Variants in HGFAC observed in about 807,000 individuals in gnomAD.
HGFAC encodes HGF activator, also known as hepatocyte growth factor activator serine protease.
Under a neutral mutation model 70.6 loss-of-function variants are expected in HGFAC, and 76 were observed. The observed-to-expected ratio is 1.08, with a 90% confidence interval of 0.89 to 1.30. The LOEUF (loss-of-function observed/expected upper bound fraction) is 1.30. Ranked by LOEUF, HGFAC falls within the 50% of genes most tolerant of loss-of-function variation. HGFAC has a pLI of 0.00. For synonymous variants in HGFAC, 464 were observed against 405.3 expected (o/e 1.14, Z -1.74); for missense variants, 1,044 against 933.7 (o/e 1.12, Z -1.54).
At chr4:3,442,266 C>A (rs28720738) in intron 1 of HGFAC, 148 bp downstream of exon 1, 1 of 611,156 alleles carries the variant, frequency 1.6e-6, no homozygotes, top group Non-Finnish European at 2.7e-6. Flanking sequence ...AAAGCTGGCC[C>A]TCACAGGGCA....
chr4:3,448,129 C>A lies in HGFAC; in HGVS notation c.1638C>A (p.Asn546Lys), dbSNP rs139994251. Residue 546 changes from asparagine to lysine, a missense_variant and splice_region_variant, in exon 13 of 14, where the codon AAC becomes AAA. Coordinates refer to ENST00000382774, the MANE Select transcript of HGFAC (RefSeq NM_001528.4). ...CGCTGAGGGCATTGTGTCCCACAGA[C>A]GTGAGCGGCTACTCCAGCTCCCTGC... ...QIAGWGHLDE[N>K]VSGYSSSLRE... The A allele has an allele frequency of 6.3e-7, 1 of 1,589,424 alleles. No individual in the cohort carries two copies. The highest frequency in any genetic ancestry group is 1.3e-5 in the African/African-American group (1 of 74,536).
intron 8 of HGFAC, 81 bp from the exon 9 acceptor site, chr4:3,445,184 C>T: frequency 7.4e-7 from 1 of 1,349,036 alleles, no homozygotes; most frequent in Non-Finnish European, 1.0e-6. Context: ...AACCGCCCTG[C>T]TGGGGGTTCC....
Position 3,443,323 on chromosome 4 carries a change from G to A in HGFAC, c.396-18G>A, listed in dbSNP as rs917553979. The A allele has an allele frequency of 2.2e-5, 34 of 1,539,340 alleles. No individual in the cohort carries two copies. Among genetic ancestry groups the A allele is most frequent in the East Asian group, 4.9e-5 (2 of 40,490 alleles). On this transcript the variant is annotated intron_variant, in intron 3 of 13. Transcript: ENST00000382774. The stretch of plus-strand genomic sequence containing the variant: ...GCCTCTGCCTGGGACCCCCATGCAC[G>A]CAGGTGTCGCCCCCCAGGTGTGCCA...
Position 3,443,069 on chromosome 4 carries a change from G to A in HGFAC, c.318G>A (p.Arg106=). 1 of 1,599,270 alleles carries A rather than the reference G, an allele frequency of 6.3e-7. No individual in the cohort carries two copies. Among genetic ancestry groups the A allele is most frequent in the Non-Finnish European group, 8.5e-7 (1 of 1,178,586 alleles). ...PQAQALTEDG[R]PCRFPFRYGG... is the part of the protein sequence containing the mutation. Reference sequence around the variant, plus strand: ...CCACAGCACTCACCGAGGACGGGAGGCCCTGCAGGTTCCCCTTCCGCTACG... The same window carrying A: ...CCACAGCACTCACCGAGGACGGGAGACCCTGCAGGTTCCCCTTCCGCTACG... The change falls in exon 3 of 14, where the codon AGG becomes AGA. Residue 106 remains arginine, a synonymous_variant. Transcript: ENST00000382774.
rs1277279036 is a variant in HGFAC at position 3,445,273 on chromosome 4, A to G, written c.1025A>G (p.Asp342Gly). The part of the protein sequence containing the change: ...LGPHAYCRNP[D>G]NDERPWCYVV... ...CCACTTATGCACCGCAGGAATCCGG[A>G]CAATGACGAGAGGCCCTGGTGCTAC... Residue 342 changes from aspartate (D) to glycine (G), a missense_variant, in exon 9 of 14, where the codon GAC becomes GGC. Asp to Gly is a moderately conservative substitution (Grantham distance 94). Transcript: ENST00000382774. The G allele has an allele frequency of 2.5e-6, 4 of 1,578,950 alleles. No individual in the cohort carries two copies. The highest frequency in any genetic ancestry group is 1.4e-5 in the African/African-American group (1 of 73,950).
rs1725591330 is a variant in HGFAC, at chr4:3,448,165, G to C, written c.1674G>C (p.Leu558=). Residue 558 remains leucine, a synonymous_variant, in exon 13 of 14, where the codon CTG becomes CTC. Coordinates refer to ENST00000382774, the MANE Select transcript of HGFAC (RefSeq NM_001528.4). ...SGYSSSLREA[L]VPLVADHKCS... ...ACTCCAGCTCCCTGCGGGAGGCCCT[G>C]GTCCCCCTGGTCGCCGACCACAAGT... 6.3e-7 allele frequency: 1 copy of C among 1,599,692 alleles called. No individual in the cohort carries two copies. The highest frequency in any genetic ancestry group is 1.1e-5 in the South Asian group (1 of 89,088).
Position 3,443,327 on chromosome 4 carries a change from G to A in HGFAC, c.396-14G>A. ...CTGCCTGGGACCCCCATGCACGCAG[G>A]TGTCGCCCCCCAGGTGTGCCACAAC... On this transcript the variant is annotated splice_polypyrimidine_tract_variant and intron_variant, in intron 3 of 13. Coordinates refer to ENST00000382774, the MANE Select transcript of HGFAC (RefSeq NM_001528.4). 1 of 1,541,370 alleles carries A rather than the reference G, an allele frequency of 6.5e-7. No homozygotes were observed. The highest frequency in any genetic ancestry group is 1.2e-5 in the South Asian group (1 of 82,940).
upstream of HGFAC, chr4:3,441,930 G>A (rs1560190613): frequency 5.9e-6 from 5 of 850,874 alleles, no homozygotes; most frequent in South Asian, 2.1e-5. The surrounding 1 kb of genome is among the most constrained non-coding windows in gnomAD (Gnocchi z 6.0). Flanking sequence ...TCATTTCCAC[G>A]AAGCCTTGAC....
chr4:3,447,040 A>T (rs1321103534), intron 10 of HGFAC, among the ~76,000 whole-genome samples: 1 of 152,048 alleles, frequency 6.6e-6, no homozygotes, highest in African/African-American at 2.4e-5. Context: ...GGGTGGAGCG[A>T]CCTCCACACA....
At chr4:3,441,271 A>G (rs1486141476), upstream of HGFAC, among the ~76,000 whole-genome samples, 1 of 151,988 alleles carries the variant, frequency 6.6e-6, no homozygotes, top group Non-Finnish European at 1.5e-5. The surrounding 1 kb of genome is among the most constrained non-coding windows in gnomAD (Gnocchi z 6.0). Flanking sequence ...GGCTTCTTGG[A>G]GTGGACTCCT....
intron 2 of HGFAC, 66 bp downstream of exon 2, chr4:3,442,978 C>T: frequency 6.5e-7 from 1 of 1,547,566 alleles, no homozygotes; most frequent in Non-Finnish European, 8.8e-7. Flanking sequence ...AGGAGCATGG[C>T]TGCGGCTGGA....
chr4:3,442,736 G>A lies in HGFAC; in HGVS notation c.122G>A (p.Arg41His), dbSNP rs764401397. The A allele has an allele frequency of 1.2e-5, 18 of 1,498,182 alleles. 1 individual carries two copies. The highest frequency in any genetic ancestry group is 8.3e-5 in the South Asian group (6 of 72,456). The allele number at this position is 1,498,182 out of a possible 1,614,324, so 92.8% of individuals were successfully genotyped here. Residue 41 changes from arginine to histidine, a missense_variant, in exon 2 of 14, where the codon CGT becomes CAT. Transcript: ENST00000382774. The stretch of plus-strand genomic sequence containing the variant: ...CACCCTTTCTGCTCCTCCTAGAACC[G>A]TACGGAGTCCCCAGAACCTAATGCC... ...RGFQPQPGGNRTESPEPNATA... is the reference protein window; with the variant it reads ...RGFQPQPGGNHTESPEPNATA...
In HGFAC at chr4:3,443,115, T is replaced by C. The variant is rs1446717337; in HGVS notation, c.364T>C (p.Cys122Arg). ...FRYGGRMLHA[C>R]TSEGSAHRKW... ...CTACGGGGGCCGCATGCTGCATGCC[T>C]GCACTTCGGAGGGCAGTGCACACAG... Residue 122 changes from cysteine to arginine, a missense_variant, in exon 3 of 14, where the codon TGC becomes CGC. Cys to Arg is a radical substitution (Grantham distance 180). Coordinates refer to ENST00000382774, the MANE Select transcript of HGFAC (RefSeq NM_001528.4). 1.3e-6 allele frequency: 2 copies of C among 1,586,946 alleles called. No homozygotes were observed. The highest frequency in any genetic ancestry group is 1.7e-5 in the Admixed American group (1 of 57,638).
At chr4:3,448,381 A>G (rs1192180427) in intron 13 of HGFAC, 105 bp downstream of exon 13, 2 of 1,384,082 alleles carry the variant, frequency 1.4e-6, no homozygotes, top group Non-Finnish European at 1.9e-6. Flanking sequence ...GCGGCACCCC[A>G]ACCTGGCAGG....
Position 3,442,862 on chromosome 4 carries a change from T to C in HGFAC, c.248T>C (p.Leu83Pro), listed in dbSNP as rs1725360937. 5 of 1,573,666 alleles carry C rather than the reference T, an allele frequency of 3.2e-6. No individual in the cohort carries two copies. The highest frequency in any genetic ancestry group is 4.3e-6 in the Non-Finnish European group (5 of 1,164,108). The change falls in exon 2 of 14, where the codon CTC (leucine) becomes CCC (proline). Residue 83 changes from leucine to proline, a missense_variant. Coordinates refer to ENST00000382774, the MANE Select transcript of HGFAC (RefSeq NM_001528.4). Reference protein sequence around the residue: ...PEAEGPQSGGLPPPPRAVPSS... With the variant: ...PEAEGPQSGGPPPPPRAVPSS... Reference sequence around the variant, plus strand: ...GCAGAGGGACCCCAAAGTGGGGGGCTCCCGCCCCCGCCCAGGGCAGTTCCC... The same window carrying C: ...GCAGAGGGACCCCAAAGTGGGGGGCCCCCGCCCCCGCCCAGGGCAGTTCCC...
rs562907434 is a variant in HGFAC, at chr4:3,446,181, G to C, written c.1242G>C (p.Ser414=). The change falls in exon 10 of 14, where the codon TCG becomes TCC. Residue 414 remains serine, a synonymous_variant. Coordinates refer to ENST00000382774, the MANE Select transcript of HGFAC (RefSeq NM_001528.4). Reference sequence around the variant, plus strand: ...CACGTATCATCGGCGGCTCCTCCTCGCTGCCCGGCTCGCACCCCTGGCTGG... The same window carrying C: ...CACGTATCATCGGCGGCTCCTCCTCCCTGCCCGGCTCGCACCCCTGGCTGG... ...LRPRIIGGSS[S]LPGSHPWLAA... 6 of 1,610,872 alleles carry C rather than the reference G, an allele frequency of 3.7e-6. No homozygotes were observed.
At chr4:3,445,742 T>G in intron 9 of HGFAC, 105 of 843,134 alleles carry the variant, frequency 1.2e-4, no homozygotes, top group Non-Finnish European at 1.8e-4. Flanking sequence ...GGGGCTCTCA[T>G]GTGGGGGTCT....
At chr4:3,443,012 C>T in intron 2 of HGFAC, 38 bp from the exon 3 acceptor site, 2 of 1,555,956 alleles carry the variant, frequency 1.3e-6, no homozygotes, top group Non-Finnish European at 1.7e-6. Context: ...TCGGGTGCCC[C>T]TCGAGGGAGC....
At position 3,442,832 on chromosome 4, in the gene HGFAC, C is replaced by T. The variant is rs1329756322; in HGVS notation, c.218C>T (p.Pro73Leu). ...VTSETPATSAPEAEGPQSGGL... is the reference protein window; with the variant it reads ...VTSETPATSALEAEGPQSGGL... ...TCTGAGACCCCAGCAACAAGTGCTCCAGAGGCAGAGGGACCCCAAAGTGGG... is the reference window on the plus strand; with the variant it reads ...TCTGAGACCCCAGCAACAAGTGCTCTAGAGGCAGAGGGACCCCAAAGTGGG... The change falls in exon 2 of 14, where the codon CCA becomes CTA. Residue 73 changes from proline to leucine, a missense_variant. Physicochemically the swap from Pro to Leu is moderately conservative, Grantham distance 98. Transcript: ENST00000382774. 47 of 1,590,760 alleles carry T rather than the reference C, an allele frequency of 3.0e-5. No individual in the cohort carries two copies. Among genetic ancestry groups the T allele is most frequent in the Non-Finnish European group, 4.0e-5 (47 of 1,170,328 alleles).
Sources: allele counts gnomAD v4.1 joint callset (sites outside exome capture counted in the v4.1 genomes callset), GRCh38; gene constraint gnomAD v4.1.1; non-coding constraint Gnocchi (gnomAD v3.1); transcripts MANE v1.5; gene names NCBI Gene and HGNC (gene_info 2026-07-23, HGNC 2026-07-21).